The following OPRD1 variants were observed in gnomAD, a reference collection of about 807,000 sequenced individuals.
OPRD1 encodes delta-type opioid receptor.
A neutral mutation model predicts 17.5 loss-of-function variants in OPRD1; 19 were observed. The observed-to-expected ratio is 1.09, with a 90% CI of 0.76 to 1.60. OPRD1 has a LOEUF of 1.60. OPRD1 is among the 40% of genes most tolerant of loss of function. The pLI is 0.00. For synonymous variants in OPRD1, 256 were observed against 240.9 expected (o/e 1.06, Z -0.58); for missense variants, 483 against 547.2 (o/e 0.88, Z 1.17).
At chr1:28,846,434 AAG>A (rs5773219) in intron 1 of OPRD1, among the ~76,000 whole-genome samples, 64,535 of 151,548 alleles carry the variant, frequency 0.43, 15,451 homozygotes, top group East Asian at 0.87. Context: ...GGCAGAGAGA[AAG>A]AGAGAGAGAG....
chr1:28,815,742 C>T (rs1174762285), intron 1 of OPRD1, among the ~76,000 whole-genome samples: 2 of 152,174 alleles, frequency 1.3e-5, no homozygotes, highest in African/African-American at 2.4e-5. Flanking sequence ...GTACATGAGC[C>T]GGCTGCTGGG....
intron 1 of OPRD1, among the ~76,000 whole-genome samples, chr1:28,825,934 C>G (rs532606171): frequency 1.3e-4 from 20 of 152,298 alleles, no homozygotes; most frequent in African/African-American, 3.4e-4. Flanking sequence ...GGTTGTCCCC[C>G]CTGAAGTACC....
rs1169377469 is a variant in OPRD1, at chr1:28,824,179, C to CCA, written c.227+11569_227+11570insCA. Among the ~76,000 whole-genome samples, 121 of 82,326 alleles carry CCA rather than the reference C, an allele frequency of 1.5e-3. 1 individual carries two copies. Among genetic ancestry groups the CCA allele is most frequent in the African/African-American group, 4.2e-3 (113 of 27,222 alleles). 54.0% of individuals were successfully genotyped at this position (82,326 alleles called of 152,430 possible). ...GGGTGACAGAGTGAGAACCTATCTCCAAAAAAAAAAAAAAAAAAGCCCCAT... is the reference window on the plus strand; with the variant it reads ...GGGTGACAGAGTGAGAACCTATCTCCCAAAAAAAAAAAAAAAAAAAGCCCCAT... On this transcript the variant is annotated intron_variant, in intron 1 of 2. Coordinates refer to ENST00000234961, the MANE Select transcript of OPRD1 (RefSeq NM_000911.4).
At chr1:28,840,251 TC>T (rs1310860295) in intron 1 of OPRD1, among the ~76,000 whole-genome samples, 6 of 152,158 alleles carry the variant, frequency 3.9e-5, no homozygotes, top group African/African-American at 1.4e-4. Flanking sequence ...ATCCCTGCCC[TC>T]TGGGAGCTTA....
chr1:28,849,795 A>G (rs1409678533), intron 1 of OPRD1, among the ~76,000 whole-genome samples: 1 of 152,184 alleles, frequency 6.6e-6, no homozygotes, highest in Non-Finnish European at 1.5e-5. Context: ...CCCTGAAATA[A>G]GATACTATAA....
chr1:28,825,295 C>T (rs978123455), intron 1 of OPRD1, among the ~76,000 whole-genome samples: 1 of 152,166 alleles, frequency 6.6e-6, no homozygotes, highest in Non-Finnish European at 1.5e-5. Context: ...CCCCTTGCTC[C>T]CTCTCCTTGT....
rs1553151571 is a variant in OPRD1 at position 28,860,362 on chromosome 1, T to TTA, written c.577+1059_577+1060insTA. Among the ~76,000 whole-genome samples the TTA allele has an allele frequency of 3.4e-3, 166 of 49,404 alleles. 1 individual carries two copies. The South Asian group carries it at 0.09, about 27-fold the overall frequency. The allele number at this position is 49,404 out of a possible 152,430, so 32.4% of individuals were successfully genotyped here. On this transcript the variant is annotated intron_variant, in intron 2 of 2. Transcript: ENST00000234961. The stretch of plus-strand genomic sequence containing the variant: ...CTTGGGCGACAGAATGGGACTTGTC[T>TTA]AAAAAAAAAAAAAAAAATTTATGGC...
At position 28,818,115 on chromosome 1, in the gene OPRD1, G is replaced by A. The variant is rs367921041; in HGVS notation, c.227+5505G>A. 2.6e-3 allele frequency among the ~76,000 whole-genome samples: 390 copies of A among 152,370 alleles called. 1 individual carries two copies. The highest frequency in any genetic ancestry group is 9.0e-3 in the African/African-American group (375 of 41,596). On this transcript the variant is annotated intron_variant, in intron 1 of 2. Transcript: ENST00000234961. ...AAGGCTGTAGCATAGCACCTGGCAT[G>A]CCCTGCGCTGTGGTTTCCTGCAGTG...
intron 1 of OPRD1, among the ~76,000 whole-genome samples, chr1:28,822,941 G>A (rs185057913): frequency 1.2e-3 from 185 of 152,226 alleles, no homozygotes; most frequent in Non-Finnish European, 2.0e-3. Context: ...TTGGCCACAC[G>A]GAATGTCATA....
intron 1 of OPRD1, among the ~76,000 whole-genome samples, chr1:28,855,257 G>A (rs557353010): frequency 5.9e-4 from 90 of 152,178 alleles, no homozygotes; most frequent in Non-Finnish European, 8.7e-4. Context: ...AAATATGGGG[G>A]GACCGGGGTT....
At chr1:28,850,396 C>T (rs1019819036) in intron 1 of OPRD1, among the ~76,000 whole-genome samples, 7 of 151,772 alleles carry the variant, frequency 4.6e-5, no homozygotes, top group Non-Finnish European at 2.9e-5. Flanking sequence ...CAATCTCAGC[C>T]CACCGCAACC....
chr1:28,846,825 CTTTCTTTCTTTCTTTCTTTCT>C (rs1363427970), intron 1 of OPRD1, among the ~76,000 whole-genome samples: 104 of 63,942 alleles, frequency 1.6e-3, no homozygotes, highest in African/African-American at 4.5e-3. Context: ...TTTGCATTTT[CTTTCTTTCTTTCTTTCTTTCT>C]TTTCTTTCTT....
chr1:28,860,164 A>G (rs1569656458), intron 2 of OPRD1, among the ~76,000 whole-genome samples: 1 of 152,322 alleles, frequency 6.6e-6, no homozygotes, highest in Admixed American at 6.5e-5. Context: ...CAGGAGTTCC[A>G]GACCAGCCTG....
chr1:28,855,746 C>T (rs548573692), intron 1 of OPRD1, among the ~76,000 whole-genome samples: 1 of 152,286 alleles, frequency 6.6e-6, no homozygotes, highest in Non-Finnish European at 1.5e-5. Context: ...AATTGTTCTG[C>T]GTAAGAGCAG....
intron 1 of OPRD1, among the ~76,000 whole-genome samples, chr1:28,832,368 C>A (rs1455534903): frequency 2.0e-5 from 3 of 152,004 alleles, no homozygotes; most frequent in Non-Finnish European, 4.4e-5. Flanking sequence ...CGGTAGGAGG[C>A]CTGCTTTGGG....
chr1:28,858,037 C>T (rs528398121), intron 1 of OPRD1, among the ~76,000 whole-genome samples: 8 of 151,870 alleles, frequency 5.3e-5, no homozygotes, highest in East Asian at 3.9e-4. Context: ...CCTCGTGATC[C>T]GCCCACCTCG....
intron 2 of OPRD1, among the ~76,000 whole-genome samples, chr1:28,862,207 G>A (rs151065143): frequency 4.6e-5 from 7 of 152,022 alleles, no homozygotes; most frequent in East Asian, 1.9e-4. Context: ...GTGAACTACC[G>A]CACCTGTCCG....
At chr1:28,833,501 CTG>C (rs2124270117) in intron 1 of OPRD1, among the ~76,000 whole-genome samples, 2 of 152,296 alleles carry the variant, frequency 1.3e-5, no homozygotes, top group East Asian at 3.9e-4. Context: ...TCTGAGAAAT[CTG>C]TTTTGTTCAT....
intron 1 of OPRD1, among the ~76,000 whole-genome samples, chr1:28,836,509 C>A (rs1425334717): frequency 1.8e-3 from 242 of 135,934 alleles, no homozygotes; most frequent in Admixed American, 2.3e-3. Context: ...GATTCCATCT[C>A]AAAAAAAAAA....
Sources: allele counts gnomAD v4.1 joint callset (sites outside exome capture counted in the v4.1 genomes callset), GRCh38; gene constraint gnomAD v4.1.1; transcripts MANE v1.5; gene names NCBI Gene and HGNC (gene_info 2026-07-23, HGNC 2026-07-21).